CTCF: variants seen among roughly 807,000 people sequenced by gnomAD.
The protein encoded by CTCF is transcriptional repressor CTCF.
A neutral mutation model predicts 72.3 loss-of-function variants in CTCF; 7 were observed. The observed-to-expected ratio is 0.10, with a 90% CI of 0.06 to 0.18. The LOEUF is 0.18. CTCF is among the 10% of genes least tolerant of loss of function. The pLI is 1.00. For synonymous variants in CTCF, 374 were observed against 315.8 expected, an observed-to-expected ratio of 1.18 and a Z score of -1.95; for missense variants, 516 against 949.1, an observed-to-expected ratio of 0.54 and a Z score of 6.00.
intron 5 of CTCF, among the ~76,000 whole-genome samples, chr16:67,617,535 A>T (rs1436124451): frequency 1.3e-5 from 2 of 152,002 alleles, no homozygotes; most frequent in Non-Finnish European, 2.9e-5. Context: ...AATAAATATT[A>T]GCTGGGCGTG....
chr16:67,600,228 ATTATTTTTT>A lies in CTCF; in HGVS notation c.-9-10578_-9-10570del, dbSNP rs539175159. Among the ~76,000 whole-genome samples the A allele has an allele frequency of 8.5e-4, 129 of 151,884 alleles. 1 individual carries two copies. The highest frequency in any genetic ancestry group is 6.8e-3 in the Middle Eastern group (2 of 294). ...TTAGTAAGGACAGATATTTAAATTT[ATTATTTTTT>A]TTATTTTTTTTATTTTTGAGGAACA... On this transcript the variant is annotated intron_variant, in intron 2 of 11. Transcript: ENST00000264010.
At chr16:67,630,790 G>C (rs1229290501) in intron 10 of CTCF, among the ~76,000 whole-genome samples, 7 of 152,052 alleles carry the variant, frequency 4.6e-5, no homozygotes, top group African/African-American at 1.7e-4. Flanking sequence ...TCACAAAGAG[G>C]GTGGAGGAAC....
chr16:67,590,617 G>C (rs7189285), intron 2 of CTCF, among the ~76,000 whole-genome samples: 1 of 151,558 alleles, frequency 6.6e-6, no homozygotes, highest in Admixed American at 6.6e-5. Context: ...GATTACAGGC[G>C]TGAGCCACCG....
chr16:67,598,641 A>AAATAC (rs1256014247), intron 2 of CTCF, among the ~76,000 whole-genome samples: 19 of 152,262 alleles, frequency 1.2e-4, no homozygotes, highest in Non-Finnish European at 2.5e-4. Flanking sequence ...TTTTCCAAGT[A>AAATAC]TTTAACTCCC....
intron 2 of CTCF, among the ~76,000 whole-genome samples, chr16:67,577,056 T>C (rs994603363): frequency 3.9e-5 from 6 of 152,152 alleles, no homozygotes; most frequent in African/African-American, 1.4e-4. Context: ...CTGTTGCCTG[T>C]ATTGCATAAT....
At chr16:67,594,380 T>C (rs1293605029) in intron 2 of CTCF, among the ~76,000 whole-genome samples, 2 of 144,190 alleles carry the variant, frequency 1.4e-5, no homozygotes, top group Non-Finnish European at 3.0e-5. Flanking sequence ...TGGGACCCTG[T>C]CTCAAAAAAA....
At chr16:67,622,641 C>CTTTTT (rs555584618) in intron 7 of CTCF, among the ~76,000 whole-genome samples, 2 of 130,920 alleles carry the variant, frequency 1.5e-5, no homozygotes, top group African/African-American at 5.7e-5. Flanking sequence ...CCTACTCTTA[C>CTTTTT]TTTTTTTTTT....
At chr16:67,566,902 G>T (rs917867550) in intron 1 of CTCF, among the ~76,000 whole-genome samples, 5 of 151,624 alleles carry the variant, frequency 3.3e-5, no homozygotes, top group East Asian at 2.0e-4. Flanking sequence ...TTAAGACAGG[G>T]TCTTTCTCTT....
chr16:67,595,479 G>T (rs561868172), intron 2 of CTCF, among the ~76,000 whole-genome samples: 1 of 152,140 alleles, frequency 6.6e-6, no homozygotes, highest in Non-Finnish European at 1.5e-5. Context: ...GATAAGATTA[G>T]ATTCTAGGAA....
intron 5 of CTCF, among the ~76,000 whole-genome samples, chr16:67,620,027 A>C (rs574286532): frequency 3.9e-5 from 6 of 152,348 alleles, no homozygotes; most frequent in Admixed American, 1.3e-4. Flanking sequence ...TAATGATAGG[A>C]AAAGAGGATG....
chr16:67,622,051 A>T (rs983936083), intron 7 of CTCF, among the ~76,000 whole-genome samples: 1 of 152,102 alleles, frequency 6.6e-6, no homozygotes, highest in Admixed American at 6.6e-5. Flanking sequence ...ATGCAGCCGG[A>T]GTTTATTAAT....
At chr16:67,581,178 T>C (rs2051576255) in intron 2 of CTCF, among the ~76,000 whole-genome samples, 1 of 152,106 alleles carries the variant, frequency 6.6e-6, no homozygotes. Flanking sequence ...TCCACCTGCC[T>C]CGGCCTCCCA....
At chr16:67,600,571 G>GT (rs1555532912) in intron 2 of CTCF, among the ~76,000 whole-genome samples, 1 of 151,978 alleles carries the variant, frequency 6.6e-6, no homozygotes, top group Non-Finnish European at 1.5e-5. Context: ...TAGAGATGGG[G>GT]TCTCCCCATG....
chr16:67,592,593 C>T (rs981736667), intron 2 of CTCF, among the ~76,000 whole-genome samples: 1 of 151,648 alleles, frequency 6.6e-6, no homozygotes, highest in African/African-American at 2.4e-5. Flanking sequence ...TAGTCCCAGC[C>T]ACTCGGGAGG....
At chr16:67,622,811 A>AT (rs951749794) in intron 7 of CTCF, among the ~76,000 whole-genome samples, 2,415 of 123,876 alleles carry the variant, frequency 0.019, 57 homozygotes, top group African/African-American at 0.047. Context: ...GCCCGGCTAA[A>AT]TTTTTTTTTT....
rs372320472 is a variant in CTCF, at chr16:67,620,665, G to C, written c.1087-32G>C. 1.5e-5 allele frequency: 23 copies of C among 1,521,982 alleles called. No homozygotes were observed. The African/African-American group carries it at 3.1e-4, about 21-fold the overall frequency. The allele number at this position is 1,521,982 out of a possible 1,614,324, so 94.3% of individuals were successfully genotyped here. On this transcript the variant is annotated intron_variant, in intron 5 of 11. Coordinates refer to ENST00000264010, the MANE Select transcript of CTCF (RefSeq NM_006565.4). ...GCTCTTGTTACAGTCTGTGTTAACA[G>C]AAGTTAAAGTTCGGTTGTTTTCGTA...
chr16:67,636,569 G>GTATA lies in CTCF; in HGVS notation c.1838-103_1838-100dup, dbSNP rs66893507. The GTATA allele has an allele frequency of 6.2e-3, 1,520 of 244,424 alleles. 3 individuals carry two copies. The highest frequency in any genetic ancestry group is 6.8e-3 in the African/African-American group (266 of 38,932). 15.1% of individuals were successfully genotyped at this position (244,424 alleles called of 1,614,324 possible). The stretch of plus-strand genomic sequence containing the variant: ...TCAAAAAAAAAAAAAGAAAGAAAGT[G>GTATA]TATATATATATATATATATATTTAT... On this transcript the variant is annotated intron_variant, in intron 10 of 11. Transcript: ENST00000264010.
In CTCF at chr16:67,612,133, G is replaced by A. The variant is rs1425258995; in HGVS notation, c.952+12G>A. ...TAACACACACACAGGTGCTGGATAA[G>A]AATGTTGGGGGCTACAACAGCAAAT... On this transcript the variant is annotated intron_variant, in intron 4 of 11. Coordinates refer to ENST00000264010, the MANE Select transcript of CTCF (RefSeq NM_006565.4). 6.2e-7 allele frequency: 1 copy of A among 1,602,726 alleles called. No individual in the cohort carries two copies. The highest frequency in any genetic ancestry group is 1.3e-5 in the African/African-American group (1 of 74,760).
At chr16:67,580,444 T>G (rs1464044837) in intron 2 of CTCF, among the ~76,000 whole-genome samples, 7 of 152,118 alleles carry the variant, frequency 4.6e-5, no homozygotes, top group Middle Eastern at 3.2e-3. Flanking sequence ...CCTCAAGCAA[T>G]CCCCTCCTCC....
Sources: allele counts gnomAD v4.1 joint callset (sites outside exome capture counted in the v4.1 genomes callset), GRCh38; gene constraint gnomAD v4.1.1; transcripts MANE v1.5; gene names NCBI Gene and HGNC (gene_info 2026-07-23, HGNC 2026-07-21).